The following STAG1 variants were observed in gnomAD, a reference collection of about 807,000 sequenced individuals.
STAG1 encodes the protein STAG1 cohesin complex component.
In STAG1, 26 loss-of-function variants were observed where a neutral mutation model predicts 170.9. That is an observed-to-expected ratio of 0.15 (90% CI 0.11 to 0.21). STAG1 has a LOEUF of 0.21. Ranked by LOEUF, STAG1 falls within the 10% of genes least tolerant of loss-of-function variation. STAG1 has a pLI of 1.00. For synonymous variants in STAG1, 514 were observed against 497.7 expected (o/e 1.03, Z -0.44); for missense variants, 964 against 1,509.5 (o/e 0.64, Z 5.99).
At chr3:136,621,191 G>A (rs1421559689) in intron 3 of STAG1, among the ~76,000 whole-genome samples, 1 of 152,012 alleles carries the variant, frequency 6.6e-6, no homozygotes, top group Admixed American at 6.6e-5. Flanking sequence ...AACTTAAACA[G>A]GTTCTAACGA....
chr3:136,504,608 T>C (rs1467911568), intron 7 of STAG1, among the ~76,000 whole-genome samples: 1 of 152,184 alleles, frequency 6.6e-6, no homozygotes, highest in Non-Finnish European at 1.5e-5. Context: ...CTCAAGCTGA[T>C]AATACTAGTT....
chr3:136,430,173 GA>G (rs1283985822), intron 16 of STAG1: 2 of 152,140 alleles, frequency 1.3e-5, no homozygotes, highest in East Asian at 3.9e-4. Flanking sequence ...ATCTGCTGCC[GA>G]AGTGAGCACA....
intron 6 of STAG1, among the ~76,000 whole-genome samples, chr3:136,527,199 T>G (rs1040060543): frequency 2.8e-4 from 42 of 152,180 alleles, no homozygotes; most frequent in South Asian, 4.2e-4. Context: ...TTCCAACTTG[T>G]TTCCATTCTC....
chr3:136,416,747 T>C (rs183840191), intron 21 of STAG1, among the ~76,000 whole-genome samples: 75 of 152,104 alleles, frequency 4.9e-4, no homozygotes, highest in Non-Finnish European at 3.2e-4. Flanking sequence ...ACACCTAATA[T>C]AATCAGGGAC....
intron 1 of STAG1, among the ~76,000 whole-genome samples, chr3:136,646,689 C>T (rs571157780): frequency 2.7e-4 from 41 of 152,170 alleles, no homozygotes; most frequent in African/African-American, 8.7e-4. Context: ...AGGCAGATCA[C>T]GAGGTCAGGA....
At chr3:136,722,483 T>A (rs2107930580) in intron 1 of STAG1, among the ~76,000 whole-genome samples, 1 of 152,194 alleles carries the variant, frequency 6.6e-6, no homozygotes, top group South Asian at 2.1e-4. Flanking sequence ...AGAAGGGAAG[T>A]GGTAAAGTAA....
At chr3:136,432,716 A>G (rs892521504) in intron 16 of STAG1, among the ~76,000 whole-genome samples, 1 of 152,156 alleles carries the variant, frequency 6.6e-6, no homozygotes, top group Non-Finnish European at 1.5e-5. Context: ...TATGTTGGCC[A>G]GGCTGGTCTT....
intron 4 of STAG1, among the ~76,000 whole-genome samples, chr3:136,584,641 C>T (rs1937716006): frequency 6.6e-6 from 1 of 152,202 alleles, no homozygotes; most frequent in African/African-American, 2.4e-5. Context: ...AAGATACATC[C>T]AATATCTTTC....
intron 29 of STAG1, among the ~76,000 whole-genome samples, chr3:136,346,374 C>A (rs1489386075): frequency 6.6e-6 from 1 of 152,156 alleles, no homozygotes; most frequent in Non-Finnish European, 1.5e-5. Flanking sequence ...GAAAATATTT[C>A]TTTTAATACT....
rs1576445940 is a variant in STAG1, at chr3:136,417,911, T to C, written c.2170A>G (p.Ile724Val). ...GNCYRLLKTGIEHGAMPEQIV... is the reference protein window; with the variant it reads ...GNCYRLLKTGVEHGAMPEQIV... ...TGTTCTGGCATGGCTCCATGTTCAATTCCAGTCTTCAATAATCTGTAGCAA... is the reference window on the plus strand; with the variant it reads ...TGTTCTGGCATGGCTCCATGTTCAACTCCAGTCTTCAATAATCTGTAGCAA... The change falls in exon 21 of 34, where the codon ATT (isoleucine) becomes GTT (valine). Residue 724 changes from isoleucine (I) to valine (V), a missense_variant. Around this residue, in one of 11 missense-constraint regions of STAG1, gnomAD observed 232 missense variants for 313.0 expected, o/e 0.74. Transcript: ENST00000383202. The C allele has an allele frequency of 5.0e-6, 8 of 1,614,008 alleles. No homozygotes were observed. Among genetic ancestry groups the C allele is most frequent in the African/African-American group, 2.7e-5 (2 of 75,070 alleles).
At chr3:136,667,905 T>G (rs1410822114) in intron 1 of STAG1, among the ~76,000 whole-genome samples, 2 of 151,964 alleles carry the variant, frequency 1.3e-5, no homozygotes, top group Admixed American at 1.3e-4. Context: ...AAAGTAGACC[T>G]GGCCGGGCAT....
intron 4 of STAG1, among the ~76,000 whole-genome samples, chr3:136,594,863 C>CG (rs1413599377): frequency 1.3e-5 from 2 of 152,102 alleles, no homozygotes; most frequent in African/African-American, 4.8e-5. Flanking sequence ...CTTGACTTCC[C>CG]GGGCTCAGGT....
At chr3:136,496,957 T>G (rs1052483948) in intron 9 of STAG1, among the ~76,000 whole-genome samples, 7 of 151,746 alleles carry the variant, frequency 4.6e-5, no homozygotes, top group African/African-American at 1.7e-4. Context: ...TTACCAATAT[T>G]ATGACCAACT....
chr3:136,428,672 GC>G (rs1426455896), intron 16 of STAG1, among the ~76,000 whole-genome samples: 1 of 152,268 alleles, frequency 6.6e-6, no homozygotes, highest in African/African-American at 2.4e-5. Context: ...AAGCCATCAA[GC>G]CCCCCAAAAT....
chr3:136,695,333 A>T (rs1942851828), intron 1 of STAG1, among the ~76,000 whole-genome samples: 1 of 151,978 alleles, frequency 6.6e-6, no homozygotes, highest in Admixed American at 6.6e-5. Context: ...GCTACTCAGG[A>T]GGTTGAGGCA....
chr3:136,726,820 AC>A (rs1004397285), intron 1 of STAG1, among the ~76,000 whole-genome samples: 38 of 152,236 alleles, frequency 2.5e-4, no homozygotes, highest in African/African-American at 9.1e-4. Context: ...TATCCCAAAT[AC>A]ACCCTACATA....
At chr3:136,468,271 A>G (rs2089526423) in intron 12 of STAG1, among the ~76,000 whole-genome samples, 1 of 152,188 alleles carries the variant, frequency 6.6e-6, no homozygotes, top group African/African-American at 2.4e-5. Flanking sequence ...AAGACTAATA[A>G]AGAAGAAAAG....
intron 3 of STAG1, among the ~76,000 whole-genome samples, chr3:136,616,749 C>CT (rs199653587): frequency 1.4e-3 from 209 of 152,160 alleles, no homozygotes; most frequent in African/African-American, 4.9e-3. Flanking sequence ...TCTACAAAAA[C>CT]TTAGCCGGTG....
At position 136,337,932 on chromosome 3, in the gene STAG1, A is replaced by G. The variant is rs974748628; in HGVS notation, c.*322T>C. The G allele has an allele frequency of 3.9e-5, 10 of 254,672 alleles. No homozygotes were observed. Among genetic ancestry groups the G allele is most frequent in the African/African-American group, 1.8e-4 (8 of 45,210 alleles). The allele number at this position is 254,672 out of a possible 1,614,324, so 15.8% of individuals were successfully genotyped here. ...AGTTTTCATAAAACAGGTGTATAAC[A>G]GTGTTTATCTTGACAGCTGTTTTAA... On this transcript the variant is annotated 3_prime_UTR_variant, in exon 34 of 34. Transcript: ENST00000383202.
Sources: allele counts gnomAD v4.1 joint callset (sites outside exome capture counted in the v4.1 genomes callset), GRCh38; gene constraint gnomAD v4.1.1; regional missense constraint gnomAD v4.1.1; transcripts MANE v1.5; gene names NCBI Gene and HGNC (gene_info 2026-07-23, HGNC 2026-07-21).